Variants in MAP3K3 observed in about 807,000 individuals in gnomAD.
MAP3K3 encodes the protein MAP/ERK kinase kinase 3.
In MAP3K3, 12 loss-of-function variants were observed where a neutral mutation model predicts 80.9. The observed-to-expected ratio is 0.15, with a 90% CI of 0.10 to 0.24. MAP3K3 has a LOEUF of 0.24. Among genes scored for constraint, MAP3K3 ranks in the 10% least tolerant of loss-of-function variants. The pLI is 1.00. For synonymous variants in MAP3K3, 272 were observed against 307.1 expected (o/e 0.89, Z 1.19); for missense variants, 596 against 834.7 (o/e 0.71, Z 3.52).
chr17:63,635,435 C>G (rs1489590460), intron 2 of MAP3K3, among the ~76,000 whole-genome samples: 1 of 152,150 alleles, frequency 6.6e-6, no homozygotes, highest in Non-Finnish European at 1.5e-5. Flanking sequence ...AAATAAAATG[C>G]TAAGATAGCT....
intron 4 of MAP3K3, among the ~76,000 whole-genome samples, chr17:63,657,332 T>G (rs1006061184): frequency 3.3e-5 from 5 of 152,244 alleles, no homozygotes; most frequent in Admixed American, 1.3e-4. Flanking sequence ...ATGGATGAAC[T>G]AAAAAACATT....
At chr17:63,687,967 C>CT (rs1389309693) in intron 8 of MAP3K3, among the ~76,000 whole-genome samples, 4 of 152,044 alleles carry the variant, frequency 2.6e-5, no homozygotes, top group African/African-American at 9.6e-5. Flanking sequence ...GTCTTCCTAG[C>CT]TTTATCTTTG....
At chr17:63,677,077 T>G (rs902183574) in intron 6 of MAP3K3, among the ~76,000 whole-genome samples, 1 of 152,144 alleles carries the variant, frequency 6.6e-6, no homozygotes, top group African/African-American at 2.4e-5. Context: ...GTTCCTACTG[T>G]GAGATGGGGT....
intron 6 of MAP3K3, among the ~76,000 whole-genome samples, chr17:63,671,259 T>TA (rs2035101193): frequency 7.7e-6 from 1 of 129,138 alleles, no homozygotes; most frequent in Non-Finnish European, 1.6e-5. Flanking sequence ...AAAATTATTT[T>TA]CTTTTTTTTT....
At chr17:63,644,958 T>C (rs962300689) in intron 2 of MAP3K3, among the ~76,000 whole-genome samples, 4 of 152,224 alleles carry the variant, frequency 2.6e-5, no homozygotes, top group African/African-American at 9.7e-5. Context: ...TTCTGTAATA[T>C]CTCTCTCCTT....
At position 63,691,313 on chromosome 17, in the gene MAP3K3, AC is replaced by A; in HGVS notation, c.1344+82del. On this transcript the variant is annotated intron_variant, in intron 13 of 15. Transcript: ENST00000361733. This position sits in a 1 kb window ranked among gnomAD's most constrained non-coding sequence, Gnocchi z 4.8. ...GGCTGGGGCCTGCAGGAGGGGGGTC[AC>A]CTTGGATAGGAGTTTGAACACCTGA... The A allele has an allele frequency of 6.3e-7, 1 of 1,592,958 alleles. No individual in the cohort carries two copies. The highest frequency in any genetic ancestry group is 8.6e-7 in the Non-Finnish European group (1 of 1,166,134).
At chr17:63,687,908 C>A (rs2035493070) in intron 8 of MAP3K3, among the ~76,000 whole-genome samples, 1 of 151,464 alleles carries the variant, frequency 6.6e-6, no homozygotes. Flanking sequence ...GCACTCCAGC[C>A]CGGCAGCAGA....
intron 6 of MAP3K3, among the ~76,000 whole-genome samples, chr17:63,681,314 C>T (rs1302718447): frequency 6.6e-6 from 1 of 152,002 alleles, no homozygotes; most frequent in African/African-American, 2.4e-5. Flanking sequence ...TATTCAGTTA[C>T]CTTTCCCTGG....
In MAP3K3 at chr17:63,681,793, CT is replaced by C; in HGVS notation, c.531del (p.Pro179LeufsTer39). 1 of 1,533,040 alleles carries C rather than the reference CT, an allele frequency of 6.5e-7. No homozygotes were observed. The highest frequency in any genetic ancestry group is 2.0e-5 in the Admixed American group (1 of 50,290). The allele number at this position is 1,533,040 out of a possible 1,614,324, so 95.0% of individuals were successfully genotyped here. On this transcript the variant is annotated frameshift_variant, in exon 7 of 16. Coordinates refer to ENST00000361733, the MANE Select transcript of MAP3K3 (RefSeq NM_002401.5). LOFTEE classifies it high-confidence loss of function. ...TCCCAGAACCCTGGCCGAAGCTCACCTCCCCCTGGCTATGTTCCTGAGCGGC... is the reference window on the plus strand; with the variant it reads ...TCCCAGAACCCTGGCCGAAGCTCACCCCCCCTGGCTATGTTCCTGAGCGGC... Reference protein sequence around the residue: ...VSSQNPGRSSPPPGYVPERQQ... With the variant: ...VSSQNPGRSSXPPGYVPERQQ...
chr17:63,692,457 A>C lies in MAP3K3; in HGVS notation c.1652+38A>C. ...ACATGCAGAACCCATTCTTCCACCC[A>C]GGCCATAGTGGCCCCCCATTAGAAA... On this transcript the variant is annotated intron_variant, in intron 15 of 15. Coordinates refer to ENST00000361733, the MANE Select transcript of MAP3K3 (RefSeq NM_002401.5). This position sits in a 1 kb window ranked among gnomAD's most constrained non-coding sequence, Gnocchi z 4.5. 6.4e-7 allele frequency: 1 copy of C among 1,559,940 alleles called. No homozygotes were observed. The highest frequency in any genetic ancestry group is 1.2e-5 in the South Asian group (1 of 84,698).
chr17:63,671,226 G>C (rs1321172513), intron 6 of MAP3K3, among the ~76,000 whole-genome samples: 2 of 151,814 alleles, frequency 1.3e-5, no homozygotes, highest in Admixed American at 1.3e-4. Context: ...GGAGTCCCTT[G>C]GATCCTTTGA....
intron 4 of MAP3K3, among the ~76,000 whole-genome samples, chr17:63,656,681 T>G (rs781087212): frequency 5.3e-5 from 8 of 152,184 alleles, no homozygotes; most frequent in Non-Finnish European, 8.8e-5. Flanking sequence ...ATCTTATGAA[T>G]CTCTTAATAC....
intron 2 of MAP3K3, chr17:63,634,915 A>G (rs1286548416): frequency 5.4e-6 from 5 of 920,626 alleles, no homozygotes; most frequent in East Asian, 2.4e-5. Flanking sequence ...TGTAAAAAGC[A>G]TTGGTTACCC....
intron 6 of MAP3K3, 114 bp downstream of exon 6, chr17:63,667,174 T>G (rs1338907600): frequency 2.6e-6 from 3 of 1,152,084 alleles, no homozygotes; most frequent in Non-Finnish European, 2.4e-6. Context: ...TATTACTCTG[T>G]GTAGAGTAAT....
chr17:63,655,297 G>C (rs1293678079), intron 4 of MAP3K3, among the ~76,000 whole-genome samples: 2 of 152,078 alleles, frequency 1.3e-5, no homozygotes, highest in Admixed American at 1.3e-4. Context: ...CCGTGATTCA[G>C]TTACCTCCCA....
chr17:63,663,832 C>T (rs751786963), intron 5 of MAP3K3, among the ~76,000 whole-genome samples: 3 of 152,144 alleles, frequency 2.0e-5, no homozygotes, highest in Middle Eastern at 3.4e-3. Context: ...TTCCAGGCTG[C>T]GATGAGCTAT....
intron 2 of MAP3K3, chr17:63,634,841 T>C: frequency 6.7e-7 from 1 of 1,502,236 alleles, no homozygotes; most frequent in Middle Eastern, 1.7e-4. Flanking sequence ...AAATGTACTT[T>C]TAAATCTGCT....
chr17:63,637,147 G>T, intron 2 of MAP3K3: 1 of 277,316 alleles, frequency 3.6e-6, no homozygotes. Context: ...ATGCGCACGT[G>T]TGCAAGTGTG....
chr17:63,631,430 C>T lies in MAP3K3; in HGVS notation c.5-1251C>T, dbSNP rs182041412. On this transcript the variant is annotated intron_variant, in intron 1 of 15. Coordinates refer to ENST00000361733, the MANE Select transcript of MAP3K3 (RefSeq NM_002401.5). ...TGATAAAGGGTAGAAGATAGGCACTCTCTTTGGGTGGAATCTTTTGTATTT... is the reference window on the plus strand; with the variant it reads ...TGATAAAGGGTAGAAGATAGGCACTTTCTTTGGGTGGAATCTTTTGTATTT... Among the ~76,000 whole-genome samples the T allele has an allele frequency of 2.3e-3, 355 of 152,310 alleles. 2 individuals carry two copies. Among genetic ancestry groups the T allele is most frequent in the Admixed American group, 5.6e-3 (85 of 15,296 alleles).
Sources: allele counts gnomAD v4.1 joint callset (sites outside exome capture counted in the v4.1 genomes callset), GRCh38; gene constraint gnomAD v4.1.1; non-coding constraint Gnocchi (gnomAD v3.1); transcripts MANE v1.5; gene names NCBI Gene and HGNC (gene_info 2026-07-23, HGNC 2026-07-21).